Variants in SOX6 observed in about 807,000 individuals in gnomAD.
SOX6 encodes transcription factor SOX-6.
In SOX6, 11 loss-of-function variants were observed where a neutral mutation model predicts 97.8. The observed-to-expected ratio is 0.11, with a 90% CI of 0.07 to 0.19. The LOEUF (loss-of-function observed/expected upper bound fraction) is 0.19. Among genes scored for constraint, SOX6 ranks in the 10% least tolerant of loss-of-function variants. The pLI is 1.00. For synonymous variants in SOX6, 360 were observed against 371.4 expected (o/e 0.97, Z 0.35); for missense variants, 810 against 1,039.5 (o/e 0.78, Z 3.04).
intron 4 of SOX6, among the ~76,000 whole-genome samples, chr11:16,527,199 T>C (rs1263764243): frequency 6.6e-6 from 1 of 152,004 alleles, no homozygotes; most frequent in African/African-American, 2.4e-5. Flanking sequence ...AGGCAATTAG[T>C]CAAAAGAAAA....
intron 4 of SOX6, among the ~76,000 whole-genome samples, chr11:16,561,891 G>T (rs1306939470): frequency 8.1e-5 from 10 of 124,104 alleles, no homozygotes; most frequent in Non-Finnish European, 1.7e-4. Context: ...ACCACACCTG[G>T]CTAATTTTTT....
chr11:16,737,718 GGA>G (rs769979748), intron 1 of SOX6, among the ~76,000 whole-genome samples: 1 of 152,088 alleles, frequency 6.6e-6, no homozygotes, highest in Non-Finnish European at 1.5e-5. Context: ...ACTTGAATCT[GGA>G]GAGAGGGCGA....
intron 3 of SOX6, among the ~76,000 whole-genome samples, chr11:16,642,038 C>T (rs944587442): frequency 1.3e-5 from 2 of 152,216 alleles, no homozygotes; most frequent in Non-Finnish European, 2.9e-5. Context: ...TTTGCAGTGG[C>T]TGGTACTGGT....
intron 6 of SOX6, among the ~76,000 whole-genome samples, chr11:16,173,475 C>T (rs1589996004): frequency 6.6e-6 from 1 of 151,750 alleles, no homozygotes; most frequent in East Asian, 1.9e-4. Flanking sequence ...ATTTGTAATA[C>T]ACTCTATATA....
intron 3 of SOX6, among the ~76,000 whole-genome samples, chr11:16,645,454 C>T (rs1461650711): frequency 3.9e-5 from 6 of 152,150 alleles, no homozygotes; most frequent in African/African-American, 1.4e-4. Flanking sequence ...GAATTGTTGT[C>T]CCCCCACTGA....
upstream of SOX6, among the ~76,000 whole-genome samples, chr11:16,359,631 T>C (rs1029429777): frequency 2.6e-5 from 4 of 152,296 alleles, no homozygotes; most frequent in Non-Finnish European, 5.9e-5. Context: ...TCTCTACCTC[T>C]ACGTTCTTTC....
At chr11:16,632,018 T>A (rs1848713856) in intron 3 of SOX6, among the ~76,000 whole-genome samples, 1 of 152,222 alleles carries the variant, frequency 6.6e-6, no homozygotes, top group South Asian at 2.1e-4. Context: ...TTCAACCTTG[T>A]CTTGGATCTC....
intron 4 of SOX6, among the ~76,000 whole-genome samples, chr11:16,566,767 T>C (rs1199113903): frequency 6.6e-6 from 1 of 152,232 alleles, no homozygotes; most frequent in East Asian, 1.9e-4. Flanking sequence ...GAAAACAGTT[T>C]GGCACTTTCT....
At chr11:15,980,328 A>G (rs1473483762) in intron 15 of SOX6, among the ~76,000 whole-genome samples, 1 of 152,012 alleles carries the variant, frequency 6.6e-6, no homozygotes, top group East Asian at 1.9e-4. Flanking sequence ...TGAGCTCTCT[A>G]CCCTTGGAAG....
chr11:16,611,015 G>C (rs1292139151), intron 4 of SOX6, among the ~76,000 whole-genome samples: 3 of 152,212 alleles, frequency 2.0e-5, no homozygotes, highest in Admixed American at 1.3e-4. Flanking sequence ...AGGGAAGGAG[G>C]GGCGAGCGGG....
chr11:16,059,910 G>T (rs193187987), intron 9 of SOX6, among the ~76,000 whole-genome samples: 2 of 152,030 alleles, frequency 1.3e-5, no homozygotes, highest in Non-Finnish European at 2.9e-5. Context: ...ATACTGAATG[G>T]AGTCAAGATG....
chr11:16,439,675 TA>T (rs1859464740), intron 1 of SOX6, among the ~76,000 whole-genome samples: 5 of 152,174 alleles, frequency 3.3e-5, no homozygotes, highest in Admixed American at 3.3e-4. Context: ...TCCTCTTCCA[TA>T]AAATTTTATT....
intron 6 of SOX6, among the ~76,000 whole-genome samples, chr11:16,120,581 T>TATACAC (rs140473523): frequency 6.7e-6 from 1 of 149,630 alleles, no homozygotes; most frequent in African/African-American, 2.5e-5. Context: ...TATATATATA[T>TATACAC]ACACACACTT....
chr11:16,051,844 C>A (rs1242621950), intron 10 of SOX6, among the ~76,000 whole-genome samples: 1 of 151,948 alleles, frequency 6.6e-6, no homozygotes, highest in African/African-American at 2.4e-5. Context: ...TAATTGCATA[C>A]ATTAGTCTAT....
intron 4 of SOX6, among the ~76,000 whole-genome samples, chr11:16,551,181 A>C (rs1847682037): frequency 6.6e-6 from 1 of 152,014 alleles, no homozygotes; most frequent in African/African-American, 2.4e-5. Context: ...CACCATCTTT[A>C]AAAAAATTTA....
At chr11:16,357,178 G>A (rs1413049980), upstream of SOX6, among the ~76,000 whole-genome samples, 1 of 152,042 alleles carries the variant, frequency 6.6e-6, no homozygotes, top group Admixed American at 6.6e-5. Context: ...CTTGGGCTTG[G>A]TACTACTATA....
At chr11:16,209,708 G>A (rs979418065) in intron 4 of SOX6, among the ~76,000 whole-genome samples, 6 of 152,018 alleles carry the variant, frequency 3.9e-5, no homozygotes, top group Non-Finnish European at 8.8e-5. Flanking sequence ...AGCTAAGCTC[G>A]TACCACAGCA....
At chr11:15,997,981 G>A (rs374676957) in intron 13 of SOX6, among the ~76,000 whole-genome samples, 44 of 152,142 alleles carry the variant, frequency 2.9e-4, no homozygotes, top group African/African-American at 9.9e-4. Flanking sequence ...TCAGGAGGCT[G>A]AGGCAGGAGA....
intron 1 of SOX6, among the ~76,000 whole-genome samples, chr11:16,383,095 T>G (rs578036081): frequency 6.6e-6 from 1 of 152,110 alleles, no homozygotes; most frequent in African/African-American, 2.4e-5. Flanking sequence ...GCACTCACGA[T>G]TCCATGAGTC....
Sources: gnomAD v4.1 joint callset for allele counts (sites outside exome capture counted in the v4.1 genomes callset) on GRCh38, gnomAD v4.1.1 for gene constraint, MANE v1.5 for transcripts, NCBI Gene and HGNC (gene_info 2026-07-23, HGNC 2026-07-21) for gene names.